CTNND2: variants seen among roughly 807,000 people sequenced by gnomAD.
The protein encoded by CTNND2 is catenin delta 2.
In CTNND2, 22 loss-of-function variants were observed where a neutral mutation model predicts 144.4. That is an observed-to-expected ratio of 0.15 (90% CI 0.11 to 0.22). The LOEUF (loss-of-function observed/expected upper bound fraction) is 0.22, where lower values mean the gene tolerates loss of function less well. Ranked by LOEUF, CTNND2 falls within the 10% of genes least tolerant of loss-of-function variation. The pLI, the probability that CTNND2 is intolerant of heterozygous loss-of-function variation, is 1.00. For missense variants in CTNND2, 1,353 were observed against 1,618.8 expected, an observed-to-expected ratio of 0.84 and a Z score of 2.82; for synonymous variants, 751 against 695.6, an observed-to-expected ratio of 1.08 and a Z score of -1.25.
chr5:11,515,966 C>A (rs1772128537), intron 3 of CTNND2, among the ~76,000 whole-genome samples: 1 of 151,950 alleles, frequency 6.6e-6, no homozygotes, highest in Non-Finnish European at 1.5e-5. Flanking sequence ...ATTAGCCAGG[C>A]ATGGTGGTAT....
At chr5:11,805,854 T>C (rs565720857) in intron 1 of CTNND2, among the ~76,000 whole-genome samples, 4 of 152,174 alleles carry the variant, frequency 2.6e-5, no homozygotes, top group South Asian at 2.1e-4. Context: ...TAGTAGAGTA[T>C]AGAAAGCAGG....
At chr5:11,553,672 G>A (rs921504112) in intron 3 of CTNND2, among the ~76,000 whole-genome samples, 10 of 152,092 alleles carry the variant, frequency 6.6e-5, no homozygotes, top group Non-Finnish European at 1.3e-4. Context: ...CAAACTCCAT[G>A]TTTTGGATCT....
At chr5:11,691,816 A>T (rs1194230608) in intron 2 of CTNND2, among the ~76,000 whole-genome samples, 1 of 152,226 alleles carries the variant, frequency 6.6e-6, no homozygotes, top group African/African-American at 2.4e-5. Context: ...CTAGAGACCC[A>T]GGAGTTACAG....
chr5:11,672,731 G>A (rs553102567), intron 2 of CTNND2, among the ~76,000 whole-genome samples: 1 of 152,120 alleles, frequency 6.6e-6, no homozygotes, highest in Admixed American at 6.5e-5. Context: ...GGGACCCACC[G>A]AGCCAGGTAC....
In CTNND2 at chr5:11,110,907, C is replaced by T; in HGVS notation, c.2414G>A (p.Ser805Asn). The change falls in exon 14 of 22, where the codon AGC becomes AAC. Residue 805 changes from serine (S) to asparagine (N), a missense_variant. Transcript: ENST00000304623. Reference protein sequence around the residue: ...CGEANGKDAESSGCWGKKKKK... With the variant: ...CGEANGKDAENSGCWGKKKKK... ...CTTCTTCTTGCCCCAGCACCCAGAG[C>T]TCTCAGCATCCTTGCCATTGGCCTC... 5 of 1,614,118 alleles carry T rather than the reference C, an allele frequency of 3.1e-6. No homozygotes were observed. Among genetic ancestry groups the T allele is most frequent in the Non-Finnish European group, 3.4e-6 (4 of 1,180,010 alleles).
intron 1 of CTNND2, among the ~76,000 whole-genome samples, chr5:11,750,826 C>T (rs1788570948): frequency 6.6e-6 from 1 of 151,586 alleles, no homozygotes; most frequent in African/African-American, 2.4e-5. Flanking sequence ...CCTAAATTAT[C>T]TTTGTTAATA....
At chr5:11,385,256 C>G in intron 6 of CTNND2, 27 bp from the exon 7 acceptor site, 1 of 1,058,550 alleles carries the variant, frequency 9.4e-7, no homozygotes, top group Non-Finnish European at 1.1e-6. Flanking sequence ...AGAGAACACG[C>G]GCACTTAGCG....
intron 3 of CTNND2, among the ~76,000 whole-genome samples, chr5:11,531,585 C>T (rs906913850): frequency 2.6e-5 from 4 of 151,986 alleles, no homozygotes; most frequent in African/African-American, 9.7e-5. Context: ...GAGATCATGC[C>T]ACTGTACTCC....
rs564155111 is a variant in CTNND2 at position 11,792,252 on chromosome 5, C to T, written c.38-59980G>A. 9.2e-5 allele frequency among the ~76,000 whole-genome samples: 14 copies of T among 151,990 alleles called. No homozygotes were observed. The South Asian group carries it at 2.7e-3, about 29-fold the overall frequency. On this transcript the variant is annotated intron_variant, in intron 1 of 21. Coordinates refer to ENST00000304623, the MANE Select transcript of CTNND2 (RefSeq NM_001332.4). ...TGTTCTACCCTCAAAAACTGTTAGG[C>T]AATGCTGACTGATTTAGATACCGAG...
In CTNND2 at chr5:11,124,170, C is replaced by T. The variant is rs182483692; in HGVS notation, c.2160-6603G>A. On this transcript the variant is annotated intron_variant, in intron 12 of 21. Coordinates refer to ENST00000304623, the MANE Select transcript of CTNND2 (RefSeq NM_001332.4). Reference sequence around the variant, plus strand: ...GTAACAAGATCTCCAGAACTCCCAGCCTCTCCTGCCTGCTCTCTCTTGCTT... The same window carrying T: ...GTAACAAGATCTCCAGAACTCCCAGTCTCTCCTGCCTGCTCTCTCTTGCTT... 1.2e-3 allele frequency among the ~76,000 whole-genome samples: 189 copies of T among 152,322 alleles called. 1 individual carries two copies. Among genetic ancestry groups the T allele is most frequent in the African/African-American group, 4.3e-3 (180 of 41,580 alleles).
chr5:11,063,904 G>A (rs906527076), intron 16 of CTNND2, among the ~76,000 whole-genome samples: 2 of 152,062 alleles, frequency 1.3e-5, no homozygotes, highest in Non-Finnish European at 1.5e-5. Context: ...TTAATGATTT[G>A]CAATCATTAA....
intron 3 of CTNND2, among the ~76,000 whole-genome samples, chr5:11,466,305 G>A (rs1766669389): frequency 6.6e-6 from 1 of 152,126 alleles, no homozygotes. Context: ...CTGTTCCATT[G>A]TACAGTCATT....
chr5:11,108,111 T>C (rs997120594), intron 14 of CTNND2, among the ~76,000 whole-genome samples: 2 of 152,190 alleles, frequency 1.3e-5, no homozygotes, highest in African/African-American at 4.8e-5. Context: ...GGAGTAATTG[T>C]TTACTTGAAA....
At chr5:11,662,219 A>G (rs1332168223) in intron 2 of CTNND2, among the ~76,000 whole-genome samples, 2 of 136,334 alleles carry the variant, frequency 1.5e-5, no homozygotes, top group Non-Finnish European at 1.5e-5. Flanking sequence ...ATATATACAT[A>G]TATGTGTATA....
At chr5:11,241,379 A>T (rs1742434295) in intron 9 of CTNND2, among the ~76,000 whole-genome samples, 1 of 152,210 alleles carries the variant, frequency 6.6e-6, no homozygotes, top group Admixed American at 6.5e-5. Context: ...AAAAGCCCCG[A>T]TCATTAAGCC....
intron 1 of CTNND2, among the ~76,000 whole-genome samples, chr5:11,773,571 T>C (rs1422650076): frequency 6.6e-6 from 1 of 152,190 alleles, no homozygotes; most frequent in East Asian, 1.9e-4. Flanking sequence ...CCCAGTACAC[T>C]GGGAGGCTAA....
rs116587296 is a variant in CTNND2, at chr5:11,193,791, T to A, written c.1975+5657A>T. On this transcript the variant is annotated intron_variant, in intron 11 of 21. Coordinates refer to ENST00000304623, the MANE Select transcript of CTNND2 (RefSeq NM_001332.4). The stretch of plus-strand genomic sequence containing the variant: ...AAATAGGCTGGGGATGTTAGTGGGA[T>A]AAATGCATCCTCTCTGTTCCAGTGT... 9.5e-3 allele frequency among the ~76,000 whole-genome samples: 1,449 copies of A among 152,306 alleles called. 13 individuals carry two copies. Among genetic ancestry groups the A allele is most frequent in the Middle Eastern group, 0.051 (15 of 294 alleles).
intron 2 of CTNND2, among the ~76,000 whole-genome samples, chr5:11,626,861 T>C (rs1781181410): frequency 6.6e-6 from 1 of 152,190 alleles, no homozygotes; most frequent in Non-Finnish European, 1.5e-5. Flanking sequence ...GAAGAACCCA[T>C]TAGTGTTTTA....
rs1272181374 is a variant in CTNND2 at position 11,735,854 on chromosome 5, G to GT, written c.38-3583dup. 5.3e-5 allele frequency among the ~76,000 whole-genome samples: 8 copies of GT among 152,248 alleles called. 1 individual carries two copies. The East Asian group carries it at 1.4e-3, about 26-fold the overall frequency. ...TTCTCTATAAATTACTCAGTCTTAG[G>GT]TATGTCTTTATTAGCAGCATGAGAA... On this transcript the variant is annotated intron_variant, in intron 1 of 21. Coordinates refer to ENST00000304623, the MANE Select transcript of CTNND2 (RefSeq NM_001332.4).
Sources: gnomAD v4.1 joint callset for allele counts (sites outside exome capture counted in the v4.1 genomes callset) on GRCh38, gnomAD v4.1.1 for gene constraint, MANE v1.5 for transcripts, NCBI Gene and HGNC (gene_info 2026-07-23, HGNC 2026-07-21) for gene names.